Variants in GABRB1 observed in about 807,000 individuals in gnomAD.
GABRB1 encodes gamma-aminobutyric acid receptor subunit beta-1.
A neutral mutation model predicts 51.6 loss-of-function variants in GABRB1; 17 were observed. The ratio of observed to expected loss-of-function variants is 0.33; its 90% CI spans 0.23 to 0.49. The LOEUF (loss-of-function observed/expected upper bound fraction) is 0.49. GABRB1 is among the 20% of genes least tolerant of loss of function. GABRB1 has a pLI of 0.99. For missense variants in GABRB1, 410 were observed against 600.6 expected, an observed-to-expected ratio of 0.68 and a Z score of 3.32; for synonymous variants, 247 against 218.9, an observed-to-expected ratio of 1.13 and a Z score of -1.14.
At chr4:47,360,958 A>G (rs1180237337) in intron 5 of GABRB1, among the ~76,000 whole-genome samples, 1 of 152,118 alleles carries the variant, frequency 6.6e-6, no homozygotes, top group Non-Finnish European at 1.5e-5. Context: ...CAACAACCCA[A>G]TGAGAATAAA....
intron 3 of GABRB1, among the ~76,000 whole-genome samples, chr4:47,131,886 A>G (rs567110324): frequency 1.3e-5 from 2 of 152,300 alleles, no homozygotes; most frequent in East Asian, 3.9e-4. Context: ...CAGTAGAGCA[A>G]TATAATTTTT....
At chr4:47,140,622 T>G (rs1716893768) in intron 3 of GABRB1, among the ~76,000 whole-genome samples, 2 of 151,962 alleles carry the variant, frequency 1.3e-5, no homozygotes, top group African/African-American at 4.8e-5. Context: ...GCTACTTAGC[T>G]CCAACATTCC....
At chr4:47,349,781 A>C (rs1343848025) in intron 5 of GABRB1, among the ~76,000 whole-genome samples, 1 of 152,244 alleles carries the variant, frequency 6.6e-6, no homozygotes, top group East Asian at 1.9e-4. Flanking sequence ...ATGGCCTTCT[A>C]GTCAAGTTCA....
intron 1 of GABRB1, among the ~76,000 whole-genome samples, chr4:46,998,545 A>C (rs1175174765): frequency 2.0e-5 from 3 of 152,032 alleles, no homozygotes; most frequent in Non-Finnish European, 4.4e-5. Flanking sequence ...CACCCTGGCT[A>C]ACATGCCGAA....
chr4:47,068,826 A>T (rs1045476282), intron 3 of GABRB1, among the ~76,000 whole-genome samples: 1 of 152,220 alleles, frequency 6.6e-6, no homozygotes, highest in Admixed American at 6.5e-5. Flanking sequence ...TGTTTAAAAA[A>T]AATGGCACCA....
chr4:47,107,674 C>A (rs1238042802), intron 3 of GABRB1, among the ~76,000 whole-genome samples: 1 of 151,932 alleles, frequency 6.6e-6, no homozygotes, highest in Non-Finnish European at 1.5e-5. Flanking sequence ...GTATGTTAAG[C>A]CCTTAGAACA....
chr4:47,036,571 T>C (rs1040989764), intron 3 of GABRB1, among the ~76,000 whole-genome samples: 1 of 152,180 alleles, frequency 6.6e-6, no homozygotes, highest in Non-Finnish European at 1.5e-5. Flanking sequence ...CTAGCTTAAT[T>C]AAGAAATTGG....
chr4:47,119,949 T>C (rs1461938010), intron 3 of GABRB1, among the ~76,000 whole-genome samples: 1 of 151,468 alleles, frequency 6.6e-6, no homozygotes, highest in Non-Finnish European at 1.5e-5. Context: ...AGGTTTAATG[T>C]AACTAGTAAT....
At chr4:47,343,247 G>A in intron 5 of GABRB1, among the ~76,000 whole-genome samples, 1 of 152,012 alleles carries the variant, frequency 6.6e-6, no homozygotes, top group East Asian at 1.9e-4. Context: ...ACTTGAACTT[G>A]GACAGACAAG....
chr4:47,000,764 G>C (rs1277117686), intron 1 of GABRB1, among the ~76,000 whole-genome samples: 1 of 152,092 alleles, frequency 6.6e-6, no homozygotes, highest in Admixed American at 6.5e-5. Context: ...GATGATCTTG[G>C]GGTAGTAAGA....
chr4:47,054,055 T>TAA (rs891921872), intron 3 of GABRB1, among the ~76,000 whole-genome samples: 2 of 147,628 alleles, frequency 1.4e-5, no homozygotes, highest in Admixed American at 6.7e-5. Context: ...TTGACTTTTT[T>TAA]AAAAAAAAAA....
At chr4:47,227,585 T>G (rs2109831712) in intron 4 of GABRB1, among the ~76,000 whole-genome samples, 2 of 152,286 alleles carry the variant, frequency 1.3e-5, no homozygotes, top group South Asian at 4.1e-4. Context: ...GAGATGGCCC[T>G]GAGTTTAGAT....
At chr4:47,321,751 T>C (rs1031038025) in intron 5 of GABRB1, among the ~76,000 whole-genome samples, 20 of 130,186 alleles carry the variant, frequency 1.5e-4, no homozygotes, top group African/African-American at 6.0e-4. Context: ...TTTGTTACCC[T>C]TGAGCACTCT....
chr4:47,248,273 T>C (rs1721842094), intron 4 of GABRB1, among the ~76,000 whole-genome samples: 1 of 152,172 alleles, frequency 6.6e-6, no homozygotes, highest in Non-Finnish European at 1.5e-5. Flanking sequence ...TCTATTGAGA[T>C]GATCATGTGA....
At chr4:47,236,369 A>G (rs948686641) in intron 4 of GABRB1, among the ~76,000 whole-genome samples, 2 of 152,096 alleles carry the variant, frequency 1.3e-5, no homozygotes, top group African/African-American at 4.8e-5. Context: ...ATACATCTAT[A>G]ATTTATGTAA....
intron 3 of GABRB1, among the ~76,000 whole-genome samples, chr4:47,054,752 T>G (rs1560513641): frequency 6.6e-6 from 1 of 152,046 alleles, no homozygotes; most frequent in Non-Finnish European, 1.5e-5. Context: ...CCAGCTAATT[T>G]TTTTGTATTT....
chr4:47,324,967 T>C (rs908307619), intron 5 of GABRB1, among the ~76,000 whole-genome samples: 1 of 152,158 alleles, frequency 6.6e-6, no homozygotes, highest in African/African-American at 2.4e-5. Flanking sequence ...CGTCCATTTC[T>C]CCCCCGCTCT....
chr4:47,081,783 A>T (rs948033103), intron 3 of GABRB1, among the ~76,000 whole-genome samples: 1 of 152,088 alleles, frequency 6.6e-6, no homozygotes, highest in African/African-American at 2.4e-5. Flanking sequence ...CATTTTCATT[A>T]GTAGGGCAAT....
intron 3 of GABRB1, among the ~76,000 whole-genome samples, chr4:47,059,380 T>C (rs1726752975): frequency 6.6e-6 from 1 of 152,170 alleles, no homozygotes; most frequent in African/African-American, 2.4e-5. Flanking sequence ...TTACATTGCC[T>C]AGGCTAGTCT....
Sources: gnomAD v4.1 joint callset for allele counts (sites outside exome capture counted in the v4.1 genomes callset) on GRCh38, gnomAD v4.1.1 for gene constraint, MANE v1.5 for transcripts, NCBI Gene and HGNC (gene_info 2026-07-23, HGNC 2026-07-21) for gene names.